ANGPT1: variants seen among roughly 807,000 people sequenced by gnomAD.
ANGPT1 encodes the protein angiopoietin-1.
Under a neutral mutation model 62.2 loss-of-function variants are expected in ANGPT1, and 17 were observed. The ratio of observed to expected loss-of-function variants is 0.27; its 90% confidence interval spans 0.19 to 0.41. The LOEUF (loss-of-function observed/expected upper bound fraction) is 0.41. Among genes scored for constraint, ANGPT1 ranks in the 10% least tolerant of loss-of-function variants. ANGPT1 has a pLI of 1.00. For synonymous variants in ANGPT1, 199 were observed against 198.9 expected, an observed-to-expected ratio of 1.00 and a Z score of 0.00; for missense variants, 478 against 594.9, an observed-to-expected ratio of 0.80 and a Z score of 2.04.
intron 1 of ANGPT1, among the ~76,000 whole-genome samples, chr8:107,394,202 T>C (rs1816890601): frequency 1.3e-5 from 2 of 152,102 alleles, no homozygotes; most frequent in African/African-American, 2.4e-5. Flanking sequence ...GAAACTGAGA[T>C]TGTTTAGTTA....
chr8:107,444,480 C>T (rs1197961704), intron 1 of ANGPT1, among the ~76,000 whole-genome samples: 4 of 152,142 alleles, frequency 2.6e-5, no homozygotes, highest in South Asian at 4.1e-4. Context: ...TCTAGAAGCA[C>T]GAGGTCCTAT....
intron 1 of ANGPT1, among the ~76,000 whole-genome samples, chr8:107,374,491 C>T (rs1277864118): frequency 6.6e-6 from 1 of 152,154 alleles, no homozygotes; most frequent in East Asian, 1.9e-4. Context: ...AGGCAGCCAG[C>T]CAAGGGTGTA....
At chr8:107,312,245 G>A (rs1473464337) in intron 4 of ANGPT1, among the ~76,000 whole-genome samples, 1 of 152,152 alleles carries the variant, frequency 6.6e-6, no homozygotes, top group Non-Finnish European at 1.5e-5. Flanking sequence ...ATTTGTTCAG[G>A]AGCTCATTTT....
chr8:107,340,157 A>C (rs1815662996), intron 2 of ANGPT1, among the ~76,000 whole-genome samples: 1 of 152,234 alleles, frequency 6.6e-6, no homozygotes, highest in South Asian at 2.1e-4. Flanking sequence ...GTGTTCCATT[A>C]AAATGACAAA....
At chr8:107,372,186 T>TAC (rs1816429583) in intron 1 of ANGPT1, among the ~76,000 whole-genome samples, 1 of 88,568 alleles carries the variant, frequency 1.1e-5, no homozygotes, top group Admixed American at 1.3e-4. Context: ...ATGTGTTATA[T>TAC]GTAGCAGAGC....
chr8:107,454,873 C>A (rs1811875628), intron 1 of ANGPT1, among the ~76,000 whole-genome samples: 1 of 152,018 alleles, frequency 6.6e-6, no homozygotes, highest in Non-Finnish European at 1.5e-5. Context: ...AGGCAAAGAA[C>A]AAACAATGGG....
At chr8:107,378,595 G>A (rs1321015959) in intron 1 of ANGPT1, among the ~76,000 whole-genome samples, 1 of 152,010 alleles carries the variant, frequency 6.6e-6, no homozygotes, top group African/African-American at 2.4e-5. Flanking sequence ...AATCTGAACT[G>A]TAATCCCCAT....
At chr8:107,398,157 C>T (rs1816972725) in intron 1 of ANGPT1, among the ~76,000 whole-genome samples, 2 of 152,192 alleles carry the variant, frequency 1.3e-5, no homozygotes, top group African/African-American at 2.4e-5. Flanking sequence ...GAATAACCCA[C>T]AGTCAATATG....
At chr8:107,436,678 G>A (rs768621666) in intron 1 of ANGPT1, among the ~76,000 whole-genome samples, 4 of 152,148 alleles carry the variant, frequency 2.6e-5, no homozygotes, top group Non-Finnish European at 5.9e-5. Context: ...CACTAATGAT[G>A]TTGTTAAACA....
At chr8:107,352,173 C>T (rs1815947324) in intron 1 of ANGPT1, among the ~76,000 whole-genome samples, 1 of 152,082 alleles carries the variant, frequency 6.6e-6, no homozygotes, top group African/African-American at 2.4e-5. Flanking sequence ...AATATTCATG[C>T]ACAAAATATG....
chr8:107,363,303 A>T (rs1466860567), intron 1 of ANGPT1, among the ~76,000 whole-genome samples: 1 of 152,162 alleles, frequency 6.6e-6, no homozygotes, highest in East Asian at 1.9e-4. Flanking sequence ...TTATACTTCG[A>T]TGTGGGTAGG....
At chr8:107,433,560 C>T (rs11786476) in intron 1 of ANGPT1, among the ~76,000 whole-genome samples, 35,451 of 152,078 alleles carry the variant, frequency 0.23, 4,482 homozygotes, top group East Asian at 0.57. Context: ...GCAGCATTTT[C>T]CTCATCTAGA....
intron 3 of ANGPT1, among the ~76,000 whole-genome samples, chr8:107,328,052 C>T (rs1815330923): frequency 6.6e-6 from 1 of 152,048 alleles, no homozygotes; most frequent in African/African-American, 2.4e-5. Flanking sequence ...AATGAATTCA[C>T]AGTGGTGACA....
intron 6 of ANGPT1, among the ~76,000 whole-genome samples, chr8:107,288,069 ATCTTGGG>A (rs1283005264): frequency 2.0e-5 from 3 of 152,134 alleles, no homozygotes; most frequent in Non-Finnish European, 2.9e-5. Flanking sequence ...AAAAAGAATA[ATCTTGGG>A]TCTTGTATTA....
chr8:107,480,318 G>A (rs1020063680), intron 1 of ANGPT1, among the ~76,000 whole-genome samples: 3 of 152,078 alleles, frequency 2.0e-5, no homozygotes, highest in Non-Finnish European at 4.4e-5. Flanking sequence ...GCACTAAGAA[G>A]AATAAGGTAT....
At chr8:107,276,542 G>A (rs1813870487) in intron 7 of ANGPT1, among the ~76,000 whole-genome samples, 1 of 151,948 alleles carries the variant, frequency 6.6e-6, no homozygotes, top group Admixed American at 6.6e-5. Context: ...AAATTTACAT[G>A]GGAGGCTCGA....
rs202086266 is a variant in ANGPT1 at position 107,380,456 on chromosome 8, C to CATCTA, written c.298-33360_298-33359insTAGAT. ...TATATATAGTGACAAAATACATATA[C>CATCTA]TATGCATACACATTAGAAGCTAGAT... On this transcript the variant is annotated intron_variant, in intron 1 of 8. Transcript: ENST00000517746. Among the ~76,000 whole-genome samples the CATCTA allele has an allele frequency of 7.1e-3, 1,075 of 151,518 alleles. 16 individuals carry two copies. Among genetic ancestry groups the CATCTA allele is most frequent in the African/African-American group, 0.025 (1,020 of 41,222 alleles).
intron 1 of ANGPT1, among the ~76,000 whole-genome samples, chr8:107,463,653 T>C (rs1812127000): frequency 6.6e-6 from 1 of 152,086 alleles, no homozygotes; most frequent in Non-Finnish European, 1.5e-5. Context: ...TAAATTCCCT[T>C]AATCTTTTTT....
chr8:107,415,222 G>A (rs13267840), intron 1 of ANGPT1, among the ~76,000 whole-genome samples: 5 of 152,158 alleles, frequency 3.3e-5, no homozygotes, highest in Admixed American at 1.3e-4. Flanking sequence ...GCATACAGAA[G>A]GGGTTATGTC....
Sources: allele counts gnomAD v4.1 joint callset (sites outside exome capture counted in the v4.1 genomes callset), GRCh38; gene constraint gnomAD v4.1.1; transcripts MANE v1.5; gene names NCBI Gene and HGNC (gene_info 2026-07-23, HGNC 2026-07-21).